MACROD2: variants seen among roughly 807,000 people sequenced by gnomAD.
MACROD2 encodes the protein mono-ADP ribosylhydrolase 2.
In MACROD2, 36 loss-of-function variants were observed where a neutral mutation model predicts 70.4. The ratio of observed to expected loss-of-function variants is 0.51; its 90% confidence interval spans 0.39 to 0.68. The LOEUF (loss-of-function observed/expected upper bound fraction) is 0.68. Ranked by LOEUF, MACROD2 falls within the 30% of genes least tolerant of loss-of-function variation. The pLI, the probability that MACROD2 is intolerant of heterozygous loss-of-function variation, is 0.00. For missense variants in MACROD2, 496 were observed against 538.4 expected (o/e 0.92, Z 0.78); for synonymous variants, 172 against 178.8 (o/e 0.96, Z 0.30).
At chr20:15,440,043 A>T (rs1203559621) in intron 7 of MACROD2, among the ~76,000 whole-genome samples, 1 of 152,178 alleles carries the variant, frequency 6.6e-6, no homozygotes, top group East Asian at 1.9e-4. Flanking sequence ...AATTTAACAA[A>T]AGAGGCTAGA....
At chr20:14,546,611 C>T (rs1266823848) in intron 4 of MACROD2, among the ~76,000 whole-genome samples, 1 of 152,144 alleles carries the variant, frequency 6.6e-6, no homozygotes, top group African/African-American at 2.4e-5. Context: ...TGTTTAGCCT[C>T]CTGCCTTTTT....
intron 4 of MACROD2, among the ~76,000 whole-genome samples, chr20:14,578,002 T>C (rs916932626): frequency 6.6e-6 from 1 of 152,082 alleles, no homozygotes; most frequent in Admixed American, 6.5e-5. Flanking sequence ...TAGAGCTAGA[T>C]CCAGAACCCA....
intron 7 of MACROD2, among the ~76,000 whole-genome samples, chr20:15,487,772 A>G (rs1169295856): frequency 6.6e-6 from 1 of 152,350 alleles, no homozygotes; most frequent in African/African-American, 2.4e-5. Flanking sequence ...AGGAATTCCT[A>G]GAATTTTGAG....
chr20:14,097,142 C>G (rs1350631030), intron 3 of MACROD2, among the ~76,000 whole-genome samples: 3 of 152,162 alleles, frequency 2.0e-5, no homozygotes, highest in Non-Finnish European at 4.4e-5. Flanking sequence ...GTTCATCAAA[C>G]AGGCCTGCCA....
intron 8 of MACROD2, among the ~76,000 whole-genome samples, chr20:15,804,994 C>T (rs1206742812): frequency 1.3e-5 from 2 of 152,206 alleles, no homozygotes; most frequent in African/African-American, 2.4e-5. Flanking sequence ...ATTGCACTCG[C>T]GTTGCCCACA....
At chr20:14,588,043 T>A (rs1458301704) in intron 4 of MACROD2, among the ~76,000 whole-genome samples, 2 of 152,148 alleles carry the variant, frequency 1.3e-5, no homozygotes, top group Non-Finnish European at 2.9e-5. Context: ...GGTATCAGGC[T>A]TATTTTAACT....
chr20:14,404,087 C>A (rs1251685388), intron 3 of MACROD2, among the ~76,000 whole-genome samples: 1 of 151,954 alleles, frequency 6.6e-6, no homozygotes, highest in Non-Finnish European at 1.5e-5. Context: ...GGAATGAAAA[C>A]ATGAGTGAAT....
At chr20:14,272,397 C>T (rs993767965) in intron 3 of MACROD2, among the ~76,000 whole-genome samples, 2 of 151,750 alleles carry the variant, frequency 1.3e-5, no homozygotes, top group African/African-American at 4.8e-5. Context: ...CCAAACTAAG[C>T]TTCATAAGTG....
chr20:15,376,208 G>C (rs905923209), intron 6 of MACROD2, among the ~76,000 whole-genome samples: 1 of 152,142 alleles, frequency 6.6e-6, no homozygotes, highest in Non-Finnish European at 1.5e-5. Context: ...GGTAGGTAAT[G>C]AATAGAAGAT....
At chr20:14,870,068 C>T (rs2073470811) in intron 5 of MACROD2, among the ~76,000 whole-genome samples, 1 of 152,062 alleles carries the variant, frequency 6.6e-6, no homozygotes, top group Non-Finnish European at 1.5e-5. Context: ...AGCCTAGTGC[C>T]CATTGGTGAT....
At chr20:15,094,310 T>C (rs1326802823) in intron 5 of MACROD2, among the ~76,000 whole-genome samples, 2 of 152,284 alleles carry the variant, frequency 1.3e-5, no homozygotes, top group East Asian at 3.9e-4. Flanking sequence ...CTTCACATGC[T>C]ATTTTTTCTT....
intron 5 of MACROD2, among the ~76,000 whole-genome samples, chr20:14,754,965 A>G (rs1244646345): frequency 6.6e-6 from 1 of 152,078 alleles, no homozygotes; most frequent in Non-Finnish European, 1.5e-5. Context: ...GACCCTAAAA[A>G]TGGCTTACGA....
At chr20:15,284,314 G>A (rs563009210) in intron 6 of MACROD2, among the ~76,000 whole-genome samples, 18 of 152,118 alleles carry the variant, frequency 1.2e-4, no homozygotes, top group African/African-American at 1.7e-4. Flanking sequence ...TAAATATCTC[G>A]TCTGTCCATT....
intron 4 of MACROD2, among the ~76,000 whole-genome samples, chr20:14,554,664 T>C (rs1978903338): frequency 6.6e-6 from 1 of 152,108 alleles, no homozygotes; most frequent in African/African-American, 2.4e-5. Flanking sequence ...ATCTGAATTC[T>C]GCCACTTATG....
intron 5 of MACROD2, among the ~76,000 whole-genome samples, chr20:15,013,937 C>A (rs965534005): frequency 6.6e-6 from 1 of 152,212 alleles, no homozygotes; most frequent in African/African-American, 2.4e-5. Flanking sequence ...CATCACATTT[C>A]TCCTGCCTGT....
At chr20:15,187,482 G>A (rs2076541577) in intron 5 of MACROD2, among the ~76,000 whole-genome samples, 2 of 152,154 alleles carry the variant, frequency 1.3e-5, no homozygotes, top group South Asian at 4.1e-4. Context: ...CAGCATTTAA[G>A]GTTACTGGAC....
intron 3 of MACROD2, among the ~76,000 whole-genome samples, chr20:14,201,914 G>A (rs894498439): frequency 6.0e-5 from 9 of 151,244 alleles, no homozygotes; most frequent in African/African-American, 1.5e-4. Flanking sequence ...ATATATGCAT[G>A]TCACATATAA....
chr20:15,953,439 C>G (rs1183009444), intron 12 of MACROD2, among the ~76,000 whole-genome samples: 1 of 152,014 alleles, frequency 6.6e-6, no homozygotes, highest in African/African-American at 2.4e-5. Context: ...TCTGATCACT[C>G]TATATTATAC....
intron 5 of MACROD2, among the ~76,000 whole-genome samples, chr20:14,856,609 A>G (rs1049601439): frequency 6.6e-6 from 1 of 152,190 alleles, no homozygotes; most frequent in Non-Finnish European, 1.5e-5. Context: ...TAATTTCTGG[A>G]TCTGTACTTC....
Sources: gnomAD v4.1 joint callset for allele counts (sites outside exome capture counted in the v4.1 genomes callset) on GRCh38, gnomAD v4.1.1 for gene constraint, MANE v1.5 for transcripts, NCBI Gene and HGNC (gene_info 2026-07-23, HGNC 2026-07-21) for gene names.